GPC6: variants seen among roughly 807,000 people sequenced by gnomAD.
GPC6 encodes the protein glypican-6.
A neutral mutation model predicts 55.2 loss-of-function variants in GPC6; 14 were observed. The ratio of observed to expected loss-of-function variants is 0.25; its 90% CI spans 0.17 to 0.40. The LOEUF is 0.40. GPC6 is among the 10% of genes least tolerant of loss of function. GPC6 has a pLI of 1.00. For missense variants in GPC6, 641 were observed against 708.5 expected, an observed-to-expected ratio of 0.90 and a Z score of 1.08; for synonymous variants, 278 against 259.6, an observed-to-expected ratio of 1.07 and a Z score of -0.68.
chr13:94,274,021 G>A (rs1892125002), intron 4 of GPC6, among the ~76,000 whole-genome samples: 1 of 152,136 alleles, frequency 6.6e-6, no homozygotes, highest in Non-Finnish European at 1.5e-5. Context: ...TACTCTTCCT[G>A]GCTTATGATG....
At chr13:93,880,045 C>T (rs1170159272) in intron 3 of GPC6, among the ~76,000 whole-genome samples, 5 of 151,436 alleles carry the variant, frequency 3.3e-5, no homozygotes, top group Admixed American at 2.6e-4. Flanking sequence ...GAATGGCAAT[C>T]GTTAAAAAGT....
chr13:93,976,139 T>C (rs1240843061), intron 3 of GPC6, among the ~76,000 whole-genome samples: 1 of 152,296 alleles, frequency 6.6e-6, no homozygotes, highest in East Asian at 1.9e-4. Flanking sequence ...ACAGTTCACA[T>C]GCATCCAACT....
At chr13:94,105,144 C>T (rs1886006681) in intron 4 of GPC6, among the ~76,000 whole-genome samples, 1 of 152,056 alleles carries the variant, frequency 6.6e-6, no homozygotes, top group African/African-American at 2.4e-5. Context: ...CACTTGAGCC[C>T]TGGAGTTCAA....
intron 3 of GPC6, among the ~76,000 whole-genome samples, chr13:93,935,273 C>T (rs1311305272): frequency 6.6e-6 from 1 of 152,144 alleles, no homozygotes; most frequent in Non-Finnish European, 1.5e-5. Context: ...CCCATCCTCC[C>T]CACTTTTGGA....
chr13:93,882,416 A>T (rs1875050138), intron 3 of GPC6, among the ~76,000 whole-genome samples: 1 of 152,072 alleles, frequency 6.6e-6, no homozygotes, highest in African/African-American at 2.4e-5. Context: ...AAGTGCTGGG[A>T]TTAAAGGAGT....
intron 2 of GPC6, among the ~76,000 whole-genome samples, chr13:93,688,552 A>G (rs1882135773): frequency 6.6e-6 from 1 of 152,076 alleles, no homozygotes; most frequent in Admixed American, 6.6e-5. Flanking sequence ...GGTAAACAAA[A>G]TGCACTATAT....
At chr13:93,386,473 G>GTAGA (rs60582134) in intron 1 of GPC6, among the ~76,000 whole-genome samples, 9,124 of 152,176 alleles carry the variant, frequency 0.06, 320 homozygotes, top group African/African-American at 0.084. Context: ...CACTAATAGT[G>GTAGA]CATAACAAGG....
At chr13:93,827,553 C>G (rs897602636) in intron 2 of GPC6, among the ~76,000 whole-genome samples, 1 of 152,086 alleles carries the variant, frequency 6.6e-6, no homozygotes. Context: ...TCTTTCAATA[C>G]CAAATATTAA....
intron 1 of GPC6, among the ~76,000 whole-genome samples, chr13:93,491,915 T>G (rs1880025875): frequency 9.2e-6 from 1 of 108,228 alleles, no homozygotes; most frequent in Non-Finnish European, 2.0e-5. Flanking sequence ...GCTGTTTTGG[T>G]TACTGTAGCC....
chr13:93,502,321 T>A (rs977699387), intron 1 of GPC6, among the ~76,000 whole-genome samples: 3 of 151,760 alleles, frequency 2.0e-5, no homozygotes, highest in African/African-American at 7.3e-5. Context: ...AGAGAGAAAT[T>A]TCACTAATGT....
At chr13:93,611,408 G>C (rs1878455514) in intron 2 of GPC6, among the ~76,000 whole-genome samples, 1 of 151,826 alleles carries the variant, frequency 6.6e-6, no homozygotes, top group East Asian at 1.9e-4. Context: ...ATTAATAAAA[G>C]AAGAAGTATA....
intron 3 of GPC6, among the ~76,000 whole-genome samples, chr13:94,024,102 G>GACACAC (rs140178004): frequency 0.085 from 12,216 of 144,208 alleles, 521 homozygotes; most frequent in Middle Eastern, 0.15. Flanking sequence ...ACTGTGTATA[G>GACACAC]ACACACACAC....
chr13:93,975,641 T>C (rs1880483682), intron 3 of GPC6, among the ~76,000 whole-genome samples: 1 of 152,202 alleles, frequency 6.6e-6, no homozygotes, highest in South Asian at 2.1e-4. Flanking sequence ...GTTGACCCAA[T>C]GCGGTTTTTG....
chr13:94,345,535 GC>G (rs780802556), intron 6 of GPC6, among the ~76,000 whole-genome samples: 10 of 152,270 alleles, frequency 6.6e-5, no homozygotes, highest in East Asian at 3.9e-4. Context: ...GAAAGAACAT[GC>G]CCATTGCAGA....
chr13:94,014,297 A>G (rs933505964), intron 3 of GPC6, among the ~76,000 whole-genome samples: 1 of 152,194 alleles, frequency 6.6e-6, no homozygotes, highest in Admixed American at 6.5e-5. Context: ...TTAAAATATC[A>G]TTTAGGTCAT....
intron 4 of GPC6, among the ~76,000 whole-genome samples, chr13:94,252,637 A>T (rs1268301070): frequency 1.3e-5 from 2 of 152,090 alleles, no homozygotes; most frequent in Non-Finnish European, 2.9e-5. Flanking sequence ...GTTGTCTCTT[A>T]GTGTGTGTTA....
intron 4 of GPC6, among the ~76,000 whole-genome samples, chr13:94,214,208 T>C (rs1890164200): frequency 6.6e-6 from 1 of 152,218 alleles, no homozygotes; most frequent in African/African-American, 2.4e-5. Context: ...AGAACTTCAG[T>C]TGTTCTGTTC....
chr13:93,873,088 T>G (rs1360527066), intron 3 of GPC6, among the ~76,000 whole-genome samples: 1 of 151,900 alleles, frequency 6.6e-6, no homozygotes, highest in Admixed American at 6.6e-5. Flanking sequence ...AACTACTTTT[T>G]TTTTTAGAGA....
chr13:94,247,776 A>G (rs886378506), intron 4 of GPC6, among the ~76,000 whole-genome samples: 1 of 152,050 alleles, frequency 6.6e-6, no homozygotes, highest in Non-Finnish European at 1.5e-5. Flanking sequence ...GAATTTTTGT[A>G]TCAGTGCTCA....
Sources: gnomAD v4.1 joint callset for allele counts (sites outside exome capture counted in the v4.1 genomes callset) on GRCh38, gnomAD v4.1.1 for gene constraint, MANE v1.5 for transcripts, NCBI Gene and HGNC (gene_info 2026-07-23, HGNC 2026-07-21) for gene names.